The following DOCK4 variants were observed in gnomAD, a reference collection of about 807,000 sequenced individuals.
The protein encoded by DOCK4 is dedicator of cytokinesis 4.
In DOCK4, 97 loss-of-function variants were observed where a neutral mutation model predicts 268.1. The ratio of observed to expected loss-of-function variants is 0.36; its 90% confidence interval spans 0.31 to 0.43. The LOEUF is 0.43. Among genes scored for constraint, DOCK4 ranks in the 20% least tolerant of loss-of-function variants. DOCK4 has a pLI of 1.00. For synonymous variants in DOCK4, 954 were observed against 887.2 expected (o/e 1.08, Z -1.34); for missense variants, 2,145 against 2,455.7 (o/e 0.87, Z 2.67).
intron 8 of DOCK4, among the ~76,000 whole-genome samples, chr7:111,959,911 G>C (rs1340379817): frequency 6.6e-6 from 1 of 152,098 alleles, no homozygotes; most frequent in Non-Finnish European, 1.5e-5. Flanking sequence ...GCTAACCTGG[G>C]AGTCTGGATG....
chr7:112,140,289 AC>A lies in DOCK4; in HGVS notation c.37+65812del, dbSNP rs1277836939. On this transcript the variant is annotated intron_variant, in intron 1 of 52. Coordinates refer to ENST00000428084, the MANE Select transcript of DOCK4 (RefSeq NM_001363540.2). The stretch of plus-strand genomic sequence containing the variant: ...AAACGTGGAGATGTCGGAGCCCCCA[AC>A]CCCCACCTGCAGGACCTTGTTCTTC... Among the ~76,000 whole-genome samples, 3 of 151,418 alleles carry A rather than the reference AC, an allele frequency of 2.0e-5. No homozygotes were observed. The South Asian group carries it at 6.3e-4, about 32-fold the overall frequency.
chr7:112,052,470 T>G (rs1366845149), intron 1 of DOCK4, among the ~76,000 whole-genome samples: 3 of 152,280 alleles, frequency 2.0e-5, no homozygotes, highest in Non-Finnish European at 4.4e-5. Context: ...CCCCCCTCAC[T>G]TCGGGCATAT....
chr7:111,984,775 G>T (rs926228478), intron 6 of DOCK4, among the ~76,000 whole-genome samples: 1 of 152,168 alleles, frequency 6.6e-6, no homozygotes, highest in Non-Finnish European at 1.5e-5. Flanking sequence ...AATTGGAGTT[G>T]AGGGGAAGGA....
chr7:111,949,275 A>T (rs1404088126), intron 8 of DOCK4, among the ~76,000 whole-genome samples: 1 of 152,248 alleles, frequency 6.6e-6, no homozygotes, highest in African/African-American at 2.4e-5. Context: ...AAAATACAGA[A>T]GTCAATAGGG....
At chr7:112,128,352 G>A (rs1168082536) in intron 1 of DOCK4, among the ~76,000 whole-genome samples, 3 of 151,788 alleles carry the variant, frequency 2.0e-5, no homozygotes, top group Non-Finnish European at 2.9e-5. Flanking sequence ...GGGCGCCTCT[G>A]CCCGGCCGCC....
At chr7:112,118,133 A>AATAT (rs71867772) in intron 1 of DOCK4, among the ~76,000 whole-genome samples, 174 of 148,598 alleles carry the variant, frequency 1.2e-3, no homozygotes, top group East Asian at 4.1e-3. Context: ...TCTTATTTAT[A>AATAT]ATATATATAT....
chr7:111,750,422 A>G (rs1434889025), intron 42 of DOCK4, among the ~76,000 whole-genome samples: 2 of 152,212 alleles, frequency 1.3e-5, no homozygotes, highest in African/African-American at 4.8e-5. Flanking sequence ...TCCATGAGGC[A>G]TGATTACAGA....
intron 1 of DOCK4, among the ~76,000 whole-genome samples, chr7:112,169,422 T>G (rs1385929468): frequency 1.3e-5 from 2 of 152,132 alleles, no homozygotes; most frequent in Non-Finnish European, 2.9e-5. Context: ...AACACAAAAA[T>G]TAAAATGCCA....
chr7:112,115,932 G>A (rs999031762), intron 1 of DOCK4, among the ~76,000 whole-genome samples: 1 of 152,068 alleles, frequency 6.6e-6, no homozygotes, highest in Non-Finnish European at 1.5e-5. Flanking sequence ...TCCCACCTTG[G>A]CCTCCCAAAG....
At chr7:112,088,547 TA>T (rs1809331711) in intron 1 of DOCK4, among the ~76,000 whole-genome samples, 1 of 152,154 alleles carries the variant, frequency 6.6e-6, no homozygotes, top group Non-Finnish European at 1.5e-5. Flanking sequence ...AAATCATGAT[TA>T]AAGCAGCCAG....
chr7:111,835,025 AC>A (rs1179413503), intron 25 of DOCK4, among the ~76,000 whole-genome samples: 1 of 152,168 alleles, frequency 6.6e-6, no homozygotes, highest in Non-Finnish European at 1.5e-5. Flanking sequence ...TGAGCATTTA[AC>A]ATGTCTGTAA....
At chr7:111,855,539 A>G (rs985251155) in intron 23 of DOCK4, among the ~76,000 whole-genome samples, 2 of 152,168 alleles carry the variant, frequency 1.3e-5, no homozygotes, top group African/African-American at 4.8e-5. Flanking sequence ...TCCACCAGAG[A>G]TGTTAAGAGC....
At chr7:111,945,085 A>G (rs937574472) in intron 9 of DOCK4, among the ~76,000 whole-genome samples, 11 of 152,242 alleles carry the variant, frequency 7.2e-5, no homozygotes, top group African/African-American at 2.2e-4. Context: ...TAAAGAAGAG[A>G]GCACTGTTGA....
At chr7:112,006,566 T>C (rs1199908603) in intron 1 of DOCK4, among the ~76,000 whole-genome samples, 1 of 152,166 alleles carries the variant, frequency 6.6e-6, no homozygotes, top group African/African-American at 2.4e-5. Context: ...GTAATAAACA[T>C]TAAAGGTAAG....
At chr7:112,071,727 ATCT>A (rs1265752035) in intron 1 of DOCK4, among the ~76,000 whole-genome samples, 2 of 152,324 alleles carry the variant, frequency 1.3e-5, no homozygotes, top group Non-Finnish European at 2.9e-5. Flanking sequence ...ACCTGCCAAA[ATCT>A]TCTTATTTGG....
At chr7:112,020,141 C>G (rs1802189430) in intron 1 of DOCK4, among the ~76,000 whole-genome samples, 1 of 152,212 alleles carries the variant, frequency 6.6e-6, no homozygotes, top group African/African-American at 2.4e-5. Flanking sequence ...AATAAGCAAA[C>G]AGGACAGGGT....
In DOCK4 at chr7:111,808,899, C is replaced by G. The variant is rs1225532341; in HGVS notation, c.3108-20G>C. 6.2e-7 allele frequency: 1 copy of G among 1,610,700 alleles called. No individual in the cohort carries two copies. Among genetic ancestry groups the G allele is most frequent in the South Asian group, 1.1e-5 (1 of 90,212 alleles). Reference sequence around the variant, plus strand: ...CCATACCTGAAATAGAACAAAAAACCAAACCTGATACAATGCCTCCAGAAC... The same window carrying G: ...CCATACCTGAAATAGAACAAAAAACGAAACCTGATACAATGCCTCCAGAAC... On this transcript the variant is annotated intron_variant, in intron 29 of 52. Transcript: ENST00000428084.
intron 1 of DOCK4, among the ~76,000 whole-genome samples, chr7:112,098,551 A>C (rs534333024): frequency 3.3e-5 from 5 of 149,764 alleles, no homozygotes; most frequent in East Asian, 1.9e-4. Flanking sequence ...TATTTTATAT[A>C]ATATATAGAT....
At chr7:112,005,586 G>C (rs1800789168) in intron 1 of DOCK4, among the ~76,000 whole-genome samples, 1 of 152,156 alleles carries the variant, frequency 6.6e-6, no homozygotes, top group African/African-American at 2.4e-5. Context: ...TTAACTTTCA[G>C]AGACCTCTTC....
Sources: allele counts gnomAD v4.1 joint callset (sites outside exome capture counted in the v4.1 genomes callset), GRCh38; gene constraint gnomAD v4.1.1; transcripts MANE v1.5; gene names NCBI Gene and HGNC (gene_info 2026-07-23, HGNC 2026-07-21).